The following AFG1L variants were observed in gnomAD, a reference collection of about 807,000 sequenced individuals.
The protein encoded by AFG1L is AFG1 like ATPase.
AFG1L carries 53 observed loss-of-function variants against 62.2 expected under a neutral mutation model. That is an observed-to-expected ratio of 0.85 (90% CI 0.68 to 1.07). The LOEUF is 1.07. Among genes scored for constraint, AFG1L ranks in the 50% least tolerant of loss-of-function variants. The probability of loss-of-function intolerance (pLI) is 0.00; values close to 1 mark genes in which losing one functional copy is unlikely to be tolerated. For synonymous variants in AFG1L, 228 were observed against 210.3 expected, an observed-to-expected ratio of 1.08 and a Z score of -0.73; for missense variants, 555 against 590.5, an observed-to-expected ratio of 0.94 and a Z score of 0.62.
chr6:108,386,108 GTC>G (rs143571130), intron 6 of AFG1L, among the ~76,000 whole-genome samples: 4,328 of 152,230 alleles, frequency 0.028, 92 homozygotes, highest in Middle Eastern at 0.085. Context: ...ATGAGACTCT[GTC>G]TCTCAAATAA....
At chr6:108,467,994 T>G (rs945817396) in intron 8 of AFG1L, among the ~76,000 whole-genome samples, 2 of 152,230 alleles carry the variant, frequency 1.3e-5, no homozygotes, top group Non-Finnish European at 2.9e-5. Flanking sequence ...CTGCACTGTC[T>G]TCAGTCTGAA....
intron 5 of AFG1L, among the ~76,000 whole-genome samples, chr6:108,364,808 G>A (rs1357972283): frequency 1.4e-5 from 2 of 142,368 alleles, no homozygotes; most frequent in Non-Finnish European, 3.0e-5. Context: ...TGAAGTTCCT[G>A]AAGTCTTTTT....
chr6:108,348,387 GT>G (rs1258495267), intron 3 of AFG1L, among the ~76,000 whole-genome samples: 1 of 152,140 alleles, frequency 6.6e-6, no homozygotes, highest in African/African-American at 2.4e-5. Context: ...CAAATAAGTA[GT>G]TTTAATGCCT....
chr6:108,311,965 A>G lies in AFG1L; in HGVS notation c.140-11860A>G, dbSNP rs1044793163. Among the ~76,000 whole-genome samples the G allele has an allele frequency of 2.0e-5, 3 of 152,146 alleles. No individual in the cohort carries two copies. The South Asian group carries it at 6.2e-4, about 32-fold the overall frequency. On this transcript the variant is annotated intron_variant, in intron 1 of 12. Transcript: ENST00000368977. ...CTGCAACCTATGCCTCCTGGGTTCAAGTGATTCTCATGCCTCAGCCTCCCG... is the reference window on the plus strand; with the variant it reads ...CTGCAACCTATGCCTCCTGGGTTCAGGTGATTCTCATGCCTCAGCCTCCCG...
At chr6:108,502,044 CCAGA>C (rs1443846050) in intron 10 of AFG1L, among the ~76,000 whole-genome samples, 1 of 151,940 alleles carries the variant, frequency 6.6e-6, no homozygotes, top group Non-Finnish European at 1.5e-5. Flanking sequence ...TTCTTTTTAC[CCAGA>C]CAGAGTCTCA....
At chr6:108,306,946 A>G (rs1777220324) in intron 1 of AFG1L, among the ~76,000 whole-genome samples, 1 of 152,130 alleles carries the variant, frequency 6.6e-6, no homozygotes, top group Admixed American at 6.5e-5. Flanking sequence ...TTATTAAAAC[A>G]GGTCTCTCCT....
intron 6 of AFG1L, among the ~76,000 whole-genome samples, chr6:108,378,641 T>C (rs1780354897): frequency 6.6e-6 from 1 of 152,026 alleles, no homozygotes; most frequent in African/African-American, 2.4e-5. Flanking sequence ...TCCTTATCTG[T>C]TATTTCTGAG....
At chr6:108,326,780 T>G (rs1778061833) in intron 2 of AFG1L, among the ~76,000 whole-genome samples, 1 of 152,090 alleles carries the variant, frequency 6.6e-6, no homozygotes, top group African/African-American at 2.4e-5. Flanking sequence ...GCCAACATGA[T>G]GAAACCCTGT....
intron 6 of AFG1L, among the ~76,000 whole-genome samples, chr6:108,394,629 T>A (rs1724094364): frequency 6.6e-6 from 1 of 152,226 alleles, no homozygotes; most frequent in South Asian, 2.1e-4. Flanking sequence ...ATTTTGAGAT[T>A]AATCTATTTT....
rs377032288 is a variant in AFG1L at position 108,513,472 on chromosome 6, C to T, written c.1203+3120C>T. Among the ~76,000 whole-genome samples the T allele has an allele frequency of 1.5e-4, 23 of 152,310 alleles. No individual in the cohort carries two copies. The South Asian group carries it at 3.9e-3, about 26-fold the overall frequency. ...CGGCACACCAGGAGATTATATCCCG[C>T]GCATGGCTTGGAGGGTTCTACACCC... On this transcript the variant is annotated intron_variant, in intron 11 of 12. Transcript: ENST00000368977.
intron 6 of AFG1L, among the ~76,000 whole-genome samples, chr6:108,385,754 G>C (rs9486869): frequency 0.35 from 53,521 of 151,962 alleles, 9,851 homozygotes; most frequent in Non-Finnish European, 0.42. Context: ...TTGGAGCTCA[G>C]AGACAGTGGA....
intron 7 of AFG1L, among the ~76,000 whole-genome samples, chr6:108,444,728 A>C (rs1771691485): frequency 6.6e-6 from 1 of 152,208 alleles, no homozygotes; most frequent in South Asian, 2.1e-4. Context: ...GTAGGCTTAA[A>C]ATATTTAGTA....
intron 8 of AFG1L, 87 bp from the exon 9 acceptor site, chr6:108,476,778 G>T: frequency 8.0e-6 from 7 of 874,968 alleles, no homozygotes; most frequent in South Asian, 2.9e-5. Context: ...TTTTTTTATG[G>T]GCAAAAAGCT....
chr6:108,477,297 GTA>G lies in AFG1L; in HGVS notation c.1062+7_1062+8del, dbSNP rs778040078. On this transcript the variant is annotated splice_donor_region_variant and intron_variant, in intron 10 of 12. Coordinates refer to ENST00000368977, the MANE Select transcript of AFG1L (RefSeq NM_145315.5). The stretch of plus-strand genomic sequence containing the variant: ...TTTGAAGAGCTGTGTGAGAGAGTAA[GTA>G]TCCAGGCACGTCCAGACTCACTGGC... The G allele has an allele frequency of 1.3e-6, 2 of 1,581,384 alleles. No individual in the cohort carries two copies. Among genetic ancestry groups the G allele is most frequent in the South Asian group, 2.3e-5 (2 of 88,356 alleles).
intron 7 of AFG1L, among the ~76,000 whole-genome samples, chr6:108,441,712 A>AAAATATATATATATATATAT (rs1401294615): frequency 7.2e-6 from 1 of 139,482 alleles, no homozygotes; most frequent in Non-Finnish European, 1.5e-5. Context: ...AAAAAAAAAA[A>AAAATATATATATATATATAT]ATATATATAT....
intron 12 of AFG1L, chr6:108,521,846 C>T (rs530188880): frequency 6.5e-6 from 1 of 153,478 alleles, no homozygotes; most frequent in Non-Finnish European, 1.5e-5. Context: ...GCTTTTAGAT[C>T]CCAGGCACAT....
At chr6:108,489,546 G>C (rs1346496866) in intron 10 of AFG1L, among the ~76,000 whole-genome samples, 1 of 152,104 alleles carries the variant, frequency 6.6e-6, no homozygotes, top group African/African-American at 2.4e-5. Flanking sequence ...CCCTCATCAG[G>C]GTACATGGCT....
intron 2 of AFG1L, among the ~76,000 whole-genome samples, chr6:108,345,398 T>C (rs989334410): frequency 5.3e-5 from 8 of 152,134 alleles, no homozygotes; most frequent in Non-Finnish European, 8.8e-5. Context: ...CTTGCTCTGT[T>C]GTCCAGGCTG....
At position 108,402,054 on chromosome 6, in the gene AFG1L, G is replaced by A. The variant is rs535937515; in HGVS notation, c.807G>A (p.Lys269=). 1.4e-6 allele frequency: 2 copies of A among 1,472,516 alleles called. No individual in the cohort carries two copies. Among genetic ancestry groups the A allele is most frequent in the South Asian group, 1.3e-5 (1 of 74,582 alleles). 91.2% of individuals were successfully genotyped at this position (1,472,516 alleles called of 1,614,324 possible). Residue 269 remains lysine, a splice_region_variant and synonymous_variant, in exon 7 of 13, where the codon AAG becomes AAA. Coordinates refer to ENST00000368977, the MANE Select transcript of AFG1L (RefSeq NM_145315.5). ...TTGTACCATTCATAGCAGTCTTGAA[G>A]GTAAAAACAAATCATTTATTTGTGT... is the stretch of plus-strand genomic sequence containing the variant. The part of the protein sequence containing the change: ...ANFVPFIAVL[K]EYCNTVQLDS...
Sources: gnomAD v4.1 joint callset for allele counts (sites outside exome capture counted in the v4.1 genomes callset) on GRCh38, gnomAD v4.1.1 for gene constraint, MANE v1.5 for transcripts, NCBI Gene and HGNC (gene_info 2026-07-23, HGNC 2026-07-21) for gene names.